Variants in TRAK1 observed in about 807,000 individuals in gnomAD.
TRAK1 encodes trafficking kinesin protein 1, also known as trafficking kinesin-binding protein 1.
Under a neutral mutation model 92.1 loss-of-function variants are expected in TRAK1, and 33 were observed. The observed-to-expected ratio is 0.36, with a 90% confidence interval of 0.27 to 0.48. The LOEUF (loss-of-function observed/expected upper bound fraction) is 0.48. Among genes scored for constraint, TRAK1 ranks in the 20% least tolerant of loss-of-function variants. The probability of loss-of-function intolerance (pLI) is 0.99; values close to 1 mark genes in which losing one functional copy is unlikely to be tolerated. For missense variants in TRAK1, 1,123 were observed against 1,257.9 expected (o/e 0.89, Z 1.62); for synonymous variants, 521 against 517.3 (o/e 1.01, Z -0.10).
chr3:42,222,709 C>A (rs1710477975), intron 15 of TRAK1, among the ~76,000 whole-genome samples: 1 of 152,176 alleles, frequency 6.6e-6, no homozygotes, highest in Admixed American at 6.5e-5. Flanking sequence ...TACCCACCAA[C>A]CAGGGATGGG....
At chr3:42,071,343 G>A (rs1397562540) in intron 1 of TRAK1, among the ~76,000 whole-genome samples, 1 of 152,140 alleles carries the variant, frequency 6.6e-6, no homozygotes, top group Non-Finnish European at 1.5e-5. Flanking sequence ...TTTTTGGGTG[G>A]ATAAGGTTCA....
chr3:42,203,151 T>G, intron 13 of TRAK1: 2 of 1,206,458 alleles, frequency 1.7e-6, no homozygotes, highest in African/African-American at 1.6e-5. Flanking sequence ...TTAGCTTTTC[T>G]GCAGTTTTGG....
At chr3:42,150,216 C>T (rs1333194053) in intron 2 of TRAK1, among the ~76,000 whole-genome samples, 3 of 152,134 alleles carry the variant, frequency 2.0e-5, no homozygotes, top group African/African-American at 7.2e-5. Flanking sequence ...CCTTCTGTCA[C>T]TACCTTGGTT....
chr3:42,172,977 CT>C (rs1204417794), intron 2 of TRAK1, among the ~76,000 whole-genome samples: 3 of 152,134 alleles, frequency 2.0e-5, no homozygotes, highest in Admixed American at 2.0e-4. Context: ...GAAACCCCAT[CT>C]CTACTAAAAA....
At chr3:42,015,172 G>T (rs567167631) in intron 1 of TRAK1, among the ~76,000 whole-genome samples, 2 of 152,226 alleles carry the variant, frequency 1.3e-5, no homozygotes, top group South Asian at 2.1e-4. Flanking sequence ...TCTGTCTCTC[G>T]GTTTGGAATG....
At chr3:42,188,005 C>A in intron 4 of TRAK1, 40 bp from the exon 5 acceptor site, 1 of 1,580,508 alleles carries the variant, frequency 6.3e-7, no homozygotes. Context: ...ACAGTATCAC[C>A]TTTTGGGAAG....
intron 1 of TRAK1, among the ~76,000 whole-genome samples, chr3:42,050,869 G>A (rs1702951317): frequency 6.6e-6 from 1 of 152,072 alleles, no homozygotes; most frequent in Non-Finnish European, 1.5e-5. Flanking sequence ...TGTTGGCCAG[G>A]CTGGTCATTA....
At position 42,041,137 on chromosome 3, in the gene TRAK1, T is replaced by C. The variant is rs1231174003; in HGVS notation, c.-519+27020T>C. Among the ~76,000 whole-genome samples, 6 of 129,016 alleles carry C rather than the reference T, an allele frequency of 4.7e-5. No homozygotes were observed. In the South Asian group the frequency reaches 1.4e-3, roughly 30 times the overall value. The allele number at this position is 129,016 out of a possible 152,430, so 84.6% of individuals were successfully genotyped here. On this transcript the variant is annotated intron_variant, in intron 1 of 16. Transcript: ENST00000487159. ...TTAAGACCAGCTAGTTAATTTATGC[T>C]TAAAAAAAAAAAAAAACGGCTGGGA...
At chr3:42,028,323 A>T (rs756000261) in intron 1 of TRAK1, among the ~76,000 whole-genome samples, 1 of 152,090 alleles carries the variant, frequency 6.6e-6, no homozygotes, top group Non-Finnish European at 1.5e-5. Flanking sequence ...ACCTTTGATT[A>T]GAGTCAGGGG....
chr3:42,156,956 C>A lies in TRAK1; in HGVS notation c.287-19858C>A, dbSNP rs564181315. Among the ~76,000 whole-genome samples the A allele has an allele frequency of 9.9e-5, 15 of 152,166 alleles. 1 individual carries two copies. In the South Asian group the frequency reaches 3.1e-3, roughly 32 times the overall value. ...ATCAGTTGAGGTCAGGAGTTTGAGACCAGCTTGACTAACATGGTGAAACCC... is the reference window on the plus strand; with the variant it reads ...ATCAGTTGAGGTCAGGAGTTTGAGAACAGCTTGACTAACATGGTGAAACCC... On this transcript the variant is annotated intron_variant, in intron 2 of 15. Coordinates refer to ENST00000327628, the MANE Select transcript of TRAK1 (RefSeq NM_001042646.3).
chr3:42,034,366 A>G (rs1702253311), intron 1 of TRAK1, among the ~76,000 whole-genome samples: 3 of 152,142 alleles, frequency 2.0e-5, no homozygotes, highest in Non-Finnish European at 4.4e-5. Context: ...ATCACGGCTC[A>G]CTGCAGCCTC....
At chr3:42,062,578 T>C (rs535129377) in intron 1 of TRAK1, among the ~76,000 whole-genome samples, 44 of 152,326 alleles carry the variant, frequency 2.9e-4, no homozygotes, top group African/African-American at 9.6e-4. Context: ...GTTGGTGGTT[T>C]TTATTTTCCT....
chr3:42,027,778 A>G (rs1701975091), intron 1 of TRAK1, among the ~76,000 whole-genome samples: 1 of 152,106 alleles, frequency 6.6e-6, no homozygotes, highest in South Asian at 2.1e-4. Context: ...AGGAACAACC[A>G]TTTTTCACTT....
intron 1 of TRAK1, among the ~76,000 whole-genome samples, chr3:42,069,320 C>A (rs1240042723): frequency 6.5e-4 from 89 of 137,244 alleles, no homozygotes; most frequent in Middle Eastern, 7.8e-3. Flanking sequence ...GACCCTGTCT[C>A]AAAAAAAAAA....
At chr3:42,026,717 AT>A (rs1701934680) in intron 1 of TRAK1, among the ~76,000 whole-genome samples, 1 of 151,622 alleles carries the variant, frequency 6.6e-6, no homozygotes, top group African/African-American at 2.4e-5. Flanking sequence ...TAGAGATGGA[AT>A]TTCACCATGT....
chr3:42,162,550 G>A (rs1701390964), intron 2 of TRAK1, among the ~76,000 whole-genome samples: 1 of 152,144 alleles, frequency 6.6e-6, no homozygotes, highest in African/African-American at 2.4e-5. Context: ...CAGAAGGTGG[G>A]GGAAGAGGAT....
chr3:42,089,674 G>GTC (rs765250539), upstream of TRAK1, among the ~76,000 whole-genome samples: 1 of 86,028 alleles, frequency 1.2e-5, no homozygotes, highest in Non-Finnish European at 2.5e-5. Flanking sequence ...TGCTTTTTGT[G>GTC]ACCCCCCCCC....
chr3:42,072,930 T>C (rs1005099630), intron 1 of TRAK1, among the ~76,000 whole-genome samples: 1 of 152,208 alleles, frequency 6.6e-6, no homozygotes, highest in African/African-American at 2.4e-5. Flanking sequence ...ATTCCCTTTT[T>C]CCAGGGCCAG....
At chr3:42,027,742 G>A (rs1701973997) in intron 1 of TRAK1, among the ~76,000 whole-genome samples, 1 of 152,162 alleles carries the variant, frequency 6.6e-6, no homozygotes, top group Non-Finnish European at 1.5e-5. Flanking sequence ...ATTTCCCTGC[G>A]AATTCAGAGA....
Sources: allele counts gnomAD v4.1 joint callset (sites outside exome capture counted in the v4.1 genomes callset), GRCh38; gene constraint gnomAD v4.1.1; transcripts MANE v1.5; gene names NCBI Gene and HGNC (gene_info 2026-07-23, HGNC 2026-07-21).